The following KCNN2 variants were observed in gnomAD, a reference collection of about 807,000 sequenced individuals.
KCNN2 encodes potassium calcium-activated channel subfamily N member 2.
KCNN2 carries 24 observed loss-of-function variants against 55.5 expected under a neutral mutation model. The observed-to-expected ratio is 0.43, with a 90% CI of 0.31 to 0.61. The LOEUF (loss-of-function observed/expected upper bound fraction) is 0.61, where lower values mean the gene tolerates loss of function less well. Ranked by LOEUF, KCNN2 falls within the 20% of genes least tolerant of loss-of-function variation. The pLI is 0.08. For missense variants in KCNN2, 754 were observed against 853.6 expected, an observed-to-expected ratio of 0.88 and a Z score of 1.45; for synonymous variants, 431 against 336.1, an observed-to-expected ratio of 1.28 and a Z score of -3.09.
At chr5:114,306,876 A>AC (rs1169437298) in intron 2 of KCNN2, among the ~76,000 whole-genome samples, 2 of 151,312 alleles carry the variant, frequency 1.3e-5, no homozygotes. Context: ...AAGTTTTTGT[A>AC]TTTTTTTAGT....
intron 1 of KCNN2, among the ~76,000 whole-genome samples, chr5:114,157,132 T>C (rs1391248551): frequency 6.6e-6 from 1 of 151,116 alleles, no homozygotes; most frequent in Non-Finnish European, 1.5e-5. Flanking sequence ...ATTAGGTATA[T>C]CTCCTAATGC....
chr5:114,429,576 T>C (rs762330300), intron 3 of KCNN2, among the ~76,000 whole-genome samples: 1 of 152,120 alleles, frequency 6.6e-6, no homozygotes, highest in Non-Finnish European at 1.5e-5. Context: ...GTACTTTGTG[T>C]CCTCAGCAGA....
At chr5:114,495,791 A>G in intron 7 of KCNN2, 104 bp from the exon 8 acceptor site, 1 of 1,079,520 alleles carries the variant, frequency 9.3e-7, no homozygotes, top group Non-Finnish European at 1.4e-6. Flanking sequence ...CACCCCTGTT[A>G]CACTGAATGC....
At chr5:114,461,273 T>C (rs1260970365) in intron 3 of KCNN2, among the ~76,000 whole-genome samples, 1 of 152,162 alleles carries the variant, frequency 6.6e-6, no homozygotes, top group Non-Finnish European at 1.5e-5. Flanking sequence ...GGAATACATA[T>C]GACTTTCCTT....
rs111935313 is a variant in KCNN2 at position 114,071,908 on chromosome 5, T to C, written c.-271+15408T>C. ...TTGGGAGGTGGGGCCTCATAAAAGA[T>C]GATTAGGTCATGTAGGTGCTGCTTT... On this transcript the variant is annotated intron_variant, in intron 1 of 10. Transcript: ENST00000512097. Among the ~76,000 whole-genome samples the C allele has an allele frequency of 2.0e-3, 306 of 152,322 alleles. 9 individuals are homozygous for C. Among genetic ancestry groups the C allele is most frequent in the African/African-American group, 7.2e-3 (299 of 41,564 alleles).
chr5:114,184,843 T>A (rs1753300586), intron 1 of KCNN2, among the ~76,000 whole-genome samples: 1 of 152,228 alleles, frequency 6.6e-6, no homozygotes, highest in Admixed American at 6.5e-5. Context: ...CCTTTTGGAC[T>A]TAGTTTTATA....
At chr5:114,389,649 A>T (rs56864172) in intron 2 of KCNN2, among the ~76,000 whole-genome samples, 6,667 of 152,246 alleles carry the variant, frequency 0.044, 511 homozygotes, top group African/African-American at 0.15. Flanking sequence ...GTGAGGTTCT[A>T]TACAACTGAA....
At chr5:114,485,913 T>A (rs887587339) in intron 5 of KCNN2, among the ~76,000 whole-genome samples, 3 of 152,198 alleles carry the variant, frequency 2.0e-5, no homozygotes, top group Non-Finnish European at 2.9e-5. Flanking sequence ...CATAGTTTAG[T>A]GTAATTCTAA....
chr5:114,139,168 T>C (rs1752225826), intron 1 of KCNN2, among the ~76,000 whole-genome samples: 1 of 152,160 alleles, frequency 6.6e-6, no homozygotes, highest in South Asian at 2.1e-4. Flanking sequence ...GATTCCTAAT[T>C]TGGAGTTTTC....
intron 1 of KCNN2, among the ~76,000 whole-genome samples, chr5:114,149,224 C>G (rs1561496078): frequency 6.6e-6 from 1 of 152,020 alleles, no homozygotes; most frequent in South Asian, 2.1e-4. Context: ...GTTGACAAAC[C>G]TGAAAAGAGG....
chr5:114,340,135 T>G (rs1756990410), intron 2 of KCNN2, among the ~76,000 whole-genome samples: 1 of 152,182 alleles, frequency 6.6e-6, no homozygotes, highest in Non-Finnish European at 1.5e-5. Flanking sequence ...GTCAATTTTT[T>G]TTGCCAAAAA....
chr5:114,125,161 G>A (rs1322046614), intron 1 of KCNN2, among the ~76,000 whole-genome samples: 1 of 150,770 alleles, frequency 6.6e-6, no homozygotes, highest in Non-Finnish European at 1.5e-5. Context: ...GTTAAACTTA[G>A]GGGTTTCTTC....
At chr5:114,451,625 G>A (rs989431915) in intron 3 of KCNN2, among the ~76,000 whole-genome samples, 6 of 152,058 alleles carry the variant, frequency 3.9e-5, no homozygotes, top group African/African-American at 9.7e-5. Flanking sequence ...GGCTGGAGGC[G>A]GTGGCTCAAG....
At chr5:114,282,251 G>C (rs1368288864) in intron 2 of KCNN2, among the ~76,000 whole-genome samples, 1 of 151,634 alleles carries the variant, frequency 6.6e-6, no homozygotes, top group Non-Finnish European at 1.5e-5. Flanking sequence ...CCTTTGTATG[G>C]GGAATTCATT....
chr5:114,367,902 A>G (rs1242279441), intron 2 of KCNN2, among the ~76,000 whole-genome samples: 2 of 152,204 alleles, frequency 1.3e-5, no homozygotes, highest in Non-Finnish European at 2.9e-5. Flanking sequence ...CCCTTGGACT[A>G]GTGCCTGATC....
intron 3 of KCNN2, among the ~76,000 whole-genome samples, chr5:114,429,818 C>CTTTTTTTTTTTTTTT (rs61595962): frequency 1.4e-5 from 1 of 71,244 alleles, no homozygotes; most frequent in Non-Finnish European, 2.5e-5. Flanking sequence ...TATATAGATG[C>CTTTTTTTTTTTTTTT]TTTTTTTTTT....
intron 2 of KCNN2, among the ~76,000 whole-genome samples, chr5:114,334,209 A>T (rs1399281291): frequency 6.6e-6 from 1 of 151,544 alleles, no homozygotes; most frequent in Non-Finnish European, 1.5e-5. Context: ...CCTCCTAGAG[A>T]CCTCCCCAGA....
Position 114,301,062 on chromosome 5 carries a change from T to TTTA in KCNN2, c.-184-59883_-184-59882insTTA, listed in dbSNP as rs1554080363. 1.4e-4 allele frequency among the ~76,000 whole-genome samples: 21 copies of TTTA among 151,122 alleles called. 1 individual carries two copies. The South Asian group carries it at 3.8e-3, about 27-fold the overall frequency. ...TTTCCTTTATTAAATATTTTTTTTT[T>TTTA]AATTTTACTTTGTTTTCTAACTGGG... On this transcript the variant is annotated intron_variant, in intron 2 of 10. Coordinates refer to the KCNN2 transcript ENST00000512097.
At chr5:114,090,625 C>T in intron 1 of KCNN2, among the ~76,000 whole-genome samples, 1 of 150,788 alleles carries the variant, frequency 6.6e-6, no homozygotes. Context: ...TATGTGTATA[C>T]ATCATTGAAT....
Sources: gnomAD v4.1 joint callset for allele counts (sites outside exome capture counted in the v4.1 genomes callset) on GRCh38, gnomAD v4.1.1 for gene constraint, MANE v1.5 for transcripts, NCBI Gene and HGNC (gene_info 2026-07-23, HGNC 2026-07-21) for gene names.